The following KDM4B variants were observed in gnomAD, a reference collection of about 807,000 sequenced individuals.
KDM4B encodes lysine-specific demethylase 4B.
In KDM4B, 32 loss-of-function variants were observed where a neutral mutation model predicts 125.2. That is an observed-to-expected ratio of 0.26 (90% CI 0.19 to 0.34). KDM4B has a LOEUF of 0.34. Ranked by LOEUF, KDM4B falls within the 10% of genes least tolerant of loss-of-function variation. The probability of loss-of-function intolerance (pLI) is 1.00; values close to 1 mark genes in which losing one functional copy is unlikely to be tolerated. For missense variants in KDM4B, 1,190 were observed against 1,577.7 expected, an observed-to-expected ratio of 0.75 and a Z score of 4.16; for synonymous variants, 721 against 677.9, an observed-to-expected ratio of 1.06 and a Z score of -0.99.
intron 9 of KDM4B, among the ~76,000 whole-genome samples, chr19:5,083,100 C>T (rs1210302886): frequency 6.6e-6 from 1 of 152,120 alleles, no homozygotes; most frequent in Non-Finnish European, 1.5e-5. Flanking sequence ...AGTGAGTGGC[C>T]CTTGCTTGAT....
chr19:5,098,921 A>G (rs888217398), intron 9 of KDM4B, among the ~76,000 whole-genome samples: 41 of 152,246 alleles, frequency 2.7e-4, no homozygotes, highest in Admixed American at 2.2e-3. Context: ...TTTTGTTTCA[A>G]TAATGGACTA....
intron 4 of KDM4B, 34 bp downstream of exon 4, chr19:5,040,045 G>GCC (rs1208461183): frequency 1.3e-6 from 2 of 1,575,306 alleles, no homozygotes; most frequent in Non-Finnish European, 1.7e-6. Flanking sequence ...CCTGACCCCC[G>GCC]CCCCCGGGGG....
At chr19:5,070,280 A>G (rs969000859) in intron 6 of KDM4B, among the ~76,000 whole-genome samples, 3 of 152,128 alleles carry the variant, frequency 2.0e-5, no homozygotes, top group Non-Finnish European at 4.4e-5. Context: ...CTCCCCCTCA[A>G]GGCTGCGGCT....
chr19:5,055,047 C>T (rs537904744), intron 6 of KDM4B, among the ~76,000 whole-genome samples: 1 of 152,380 alleles, frequency 6.6e-6, no homozygotes, highest in South Asian at 2.1e-4. Context: ...CTGCGCCTGG[C>T]GTGTGGGGCA....
chr19:5,106,491 C>G (rs182593225), intron 9 of KDM4B, among the ~76,000 whole-genome samples: 1 of 152,108 alleles, frequency 6.6e-6, no homozygotes, highest in Non-Finnish European at 1.5e-5. Context: ...CACTGGGGGC[C>G]GAGTAGGGGC....
At chr19:5,101,613 C>T (rs1299666398) in intron 9 of KDM4B, among the ~76,000 whole-genome samples, 1 of 144,712 alleles carries the variant, frequency 6.9e-6, no homozygotes, top group Admixed American at 6.9e-5. Flanking sequence ...AAGGGGATAG[C>T]GGGGAGGGCC....
At chr19:5,111,409 C>G (rs533251024) in intron 10 of KDM4B, 4 of 765,202 alleles carry the variant, frequency 5.2e-6, no homozygotes, top group Non-Finnish European at 9.6e-6. Context: ...CAGACCCTCC[C>G]AGCCAGGTAT....
chr19:5,063,989 A>G (rs1301308067), intron 6 of KDM4B, among the ~76,000 whole-genome samples: 1 of 152,206 alleles, frequency 6.6e-6, no homozygotes, highest in Non-Finnish European at 1.5e-5. Context: ...TGGGTCTCGC[A>G]GGAAGCCCAC....
At chr19:5,127,885 T>TG (rs2039475808) in intron 11 of KDM4B, among the ~76,000 whole-genome samples, 1 of 152,202 alleles carries the variant, frequency 6.6e-6, no homozygotes, top group East Asian at 1.9e-4. Context: ...GCCCCGTTGG[T>TG]CGGGGGAGGA....
chr19:5,046,325 G>A (rs1300949896), intron 5 of KDM4B, among the ~76,000 whole-genome samples: 2 of 152,266 alleles, frequency 1.3e-5, no homozygotes, highest in African/African-American at 4.8e-5. Context: ...TGTGGTCCCA[G>A]GATGAATTTG....
rs2034261423 is a variant in KDM4B, at chr19:4,971,606, G to T, written c.-109+2376G>T. 6.6e-6 allele frequency among the ~76,000 whole-genome samples: 1 copy of T among 152,160 alleles called. No individual in the cohort carries two copies. The highest frequency in any genetic ancestry group is 6.5e-5 in the Admixed American group (1 of 15,272). On this transcript the variant is annotated intron_variant, in intron 1 of 22. Coordinates refer to ENST00000159111, the MANE Select transcript of KDM4B (RefSeq NM_015015.3). This position sits in a 1 kb window ranked among gnomAD's most constrained non-coding sequence, Gnocchi z 4.1. ...GTTTCCAGTGCCGAGTGCCATGCCG[G>T]GACAGGTTGGGAGGAGTCCCTGGCT...
chr19:5,120,453 C>A (rs1384741564), intron 11 of KDM4B, among the ~76,000 whole-genome samples: 1 of 152,176 alleles, frequency 6.6e-6, no homozygotes, highest in African/African-American at 2.4e-5. Flanking sequence ...GTCAGCAGGT[C>A]TCCCACCTGC....
chr19:5,147,084 C>A (rs992691278), intron 21 of KDM4B, among the ~76,000 whole-genome samples: 1 of 151,588 alleles, frequency 6.6e-6, no homozygotes, highest in South Asian at 2.1e-4. Context: ...CCAGGCAGGT[C>A]GGACTGGACT....
In KDM4B at chr19:4,997,318, C is replaced by T. The variant is rs918438090; in HGVS notation, c.-108-18939C>T. On this transcript the variant is annotated intron_variant, in intron 1 of 22. Transcript: ENST00000159111. This position sits in a 1 kb window ranked among gnomAD's most constrained non-coding sequence, Gnocchi z 4.2. ...GATGTGTCCTTCCCTTTAGGGCTTC[C>T]GAGTTTGTGTCCCACTTAGAGAGGT... Among the ~76,000 whole-genome samples the T allele has an allele frequency of 3.9e-5, 6 of 152,084 alleles. No individual in the cohort carries two copies. The highest frequency in any genetic ancestry group is 7.4e-5 in the Non-Finnish European group (5 of 68,008).
At chr19:5,052,402 G>T (rs927755517) in intron 6 of KDM4B, among the ~76,000 whole-genome samples, 9 of 151,944 alleles carry the variant, frequency 5.9e-5, no homozygotes, top group African/African-American at 1.9e-4. Context: ...TTCCAGGGCT[G>T]CAGGGGACCA....
intron 1 of KDM4B, among the ~76,000 whole-genome samples, chr19:4,998,375 A>C (rs554494559): frequency 6.6e-6 from 1 of 152,306 alleles, no homozygotes; most frequent in African/African-American, 2.4e-5. Context: ...ACATAATTTC[A>C]GACTGACCCC....
chr19:5,108,059 G>A lies in KDM4B; in HGVS notation c.919-2563G>A, dbSNP rs540988705. 3.6e-3 allele frequency among the ~76,000 whole-genome samples: 549 copies of A among 152,362 alleles called. 2 individuals carry two copies. The highest frequency in any genetic ancestry group is 7.4e-3 in the South Asian group (36 of 4,834). On this transcript the variant is annotated intron_variant, in intron 9 of 22. Coordinates refer to ENST00000159111, the MANE Select transcript of KDM4B (RefSeq NM_015015.3). ...TGGAGCAGGGGATGCATCTGGAGCC[G>A]TGCCAGCCCCAGCCGGGCAAGGGGG...
intron 6 of KDM4B, among the ~76,000 whole-genome samples, chr19:5,050,109 A>G (rs1432197064): frequency 2.0e-5 from 3 of 152,222 alleles, no homozygotes; most frequent in South Asian, 2.1e-4. Flanking sequence ...TTGCATCTGC[A>G]GCCGCTTAAT....
intron 2 of KDM4B, among the ~76,000 whole-genome samples, chr19:5,020,630 T>A (rs2036086065): frequency 6.6e-6 from 1 of 152,020 alleles, no homozygotes; most frequent in South Asian, 2.1e-4. Context: ...GGGAAGGGGG[T>A]CCCACTGCAG....
Sources: allele counts gnomAD v4.1 joint callset (sites outside exome capture counted in the v4.1 genomes callset), GRCh38; gene constraint gnomAD v4.1.1; non-coding constraint Gnocchi (gnomAD v3.1); transcripts MANE v1.5; gene names NCBI Gene and HGNC (gene_info 2026-07-23, HGNC 2026-07-21).